Variants in IQCJ observed in about 807,000 individuals in gnomAD.
The protein encoded by IQCJ is IQ domain-containing protein J.
In IQCJ, 9 loss-of-function variants were observed where a neutral mutation model predicts 11.0. That is an observed-to-expected ratio of 0.82 (90% CI 0.49 to 1.43). The LOEUF is 1.43. Ranked by LOEUF, IQCJ falls within the 40% of genes most tolerant of loss-of-function variation. IQCJ has a pLI of 0.00. For missense variants in IQCJ, 146 were observed against 133.2 expected (o/e 1.10, Z -0.47); for synonymous variants, 55 against 51.3 (o/e 1.07, Z -0.31).
At chr3:159,154,909 C>T (rs1044528250) in intron 1 of IQCJ, among the ~76,000 whole-genome samples, 1 of 152,090 alleles carries the variant, frequency 6.6e-6, no homozygotes, top group African/African-American at 2.4e-5. Flanking sequence ...TCCTTCCTCT[C>T]CCTCCCCTTT....
intron 1 of IQCJ, among the ~76,000 whole-genome samples, chr3:159,137,950 C>T (rs1319609340): frequency 6.6e-6 from 1 of 152,106 alleles, no homozygotes; most frequent in African/African-American, 2.4e-5. Flanking sequence ...CTCCTTTTGT[C>T]TTTATATATA....
At chr3:159,238,085 G>A (rs1309640319) in intron 1 of IQCJ, among the ~76,000 whole-genome samples, 3 of 152,044 alleles carry the variant, frequency 2.0e-5, no homozygotes, top group Admixed American at 2.0e-4. Context: ...GGAAGGGAGA[G>A]GAAGGAAGGG....
chr3:159,089,060 G>A (rs1034348216), intron 1 of IQCJ, among the ~76,000 whole-genome samples: 2 of 152,072 alleles, frequency 1.3e-5, no homozygotes, highest in African/African-American at 4.8e-5. Context: ...GCTGGTACCG[G>A]TTGTTCCTTT....
At chr3:159,088,875 T>C (rs546600878) in intron 1 of IQCJ, among the ~76,000 whole-genome samples, 3 of 152,280 alleles carry the variant, frequency 2.0e-5, no homozygotes, top group African/African-American at 7.2e-5. Flanking sequence ...CTTTATCCAA[T>C]TTGCCAGTCT....
At chr3:159,198,739 G>C (rs1320165954) in intron 1 of IQCJ, among the ~76,000 whole-genome samples, 1 of 152,186 alleles carries the variant, frequency 6.6e-6, no homozygotes, top group African/African-American at 2.4e-5. Flanking sequence ...GTTGGTATGA[G>C]ATTCAAAATG....
chr3:159,080,301 C>G (rs539192216), intron 1 of IQCJ, among the ~76,000 whole-genome samples: 1 of 151,966 alleles, frequency 6.6e-6, no homozygotes, highest in Non-Finnish European at 1.5e-5. Flanking sequence ...TTAATTCCAC[C>G]CACATACCCT....
intron 1 of IQCJ, among the ~76,000 whole-genome samples, chr3:159,127,838 G>A (rs10936168): frequency 0.25 from 38,444 of 152,030 alleles, 5,934 homozygotes; most frequent in South Asian, 0.4. Context: ...GCTGCCTTTG[G>A]GTTTTTTTGT....
chr3:159,257,885 A>C (rs1727987612), intron 3 of IQCJ, among the ~76,000 whole-genome samples: 2 of 152,122 alleles, frequency 1.3e-5, no homozygotes, highest in South Asian at 4.1e-4. Context: ...AACAAACGTA[A>C]TGGGGAGGCA....
chr3:159,203,989 A>G (rs2108073839), intron 1 of IQCJ, among the ~76,000 whole-genome samples: 1 of 152,270 alleles, frequency 6.6e-6, no homozygotes, highest in African/African-American at 2.4e-5. Context: ...GCTGTCAGTG[A>G]TCAGAAGGTC....
intron 1 of IQCJ, among the ~76,000 whole-genome samples, chr3:159,106,070 A>G (rs1244823568): frequency 6.6e-6 from 1 of 152,140 alleles, no homozygotes; most frequent in East Asian, 1.9e-4. Flanking sequence ...AGCAAATAAC[A>G]TTTGCTAGTT....
At chr3:159,156,669 T>C (rs959834495) in intron 1 of IQCJ, among the ~76,000 whole-genome samples, 1 of 152,212 alleles carries the variant, frequency 6.6e-6, no homozygotes, top group Non-Finnish European at 1.5e-5. Context: ...TTTGGTCATA[T>C]CTTGGGGAAG....
intron 1 of IQCJ, among the ~76,000 whole-genome samples, chr3:159,241,309 T>C (rs933493681): frequency 7.9e-5 from 12 of 151,846 alleles, no homozygotes; most frequent in African/African-American, 2.7e-4. Context: ...CTCGGGAGGC[T>C]GAGGCAGGAG....
chr3:159,077,352 A>T (rs976902585), intron 1 of IQCJ, among the ~76,000 whole-genome samples: 1 of 152,184 alleles, frequency 6.6e-6, no homozygotes, highest in African/African-American at 2.4e-5. Flanking sequence ...TTTACTTATA[A>T]GAATTTTTCT....
intron 1 of IQCJ, among the ~76,000 whole-genome samples, chr3:159,076,572 A>C (rs1715932406): frequency 6.6e-6 from 1 of 152,152 alleles, no homozygotes; most frequent in Non-Finnish European, 1.5e-5. Context: ...GAATAAATAC[A>C]GGCTTTGGAA....
chr3:159,173,139 A>G (rs1280267320), intron 1 of IQCJ, among the ~76,000 whole-genome samples: 1 of 152,200 alleles, frequency 6.6e-6, no homozygotes, highest in African/African-American at 2.4e-5. Context: ...AGCTTTGGCC[A>G]TGCCATCTTT....
chr3:159,142,599 G>C (rs1048944516), intron 1 of IQCJ, among the ~76,000 whole-genome samples: 2 of 152,106 alleles, frequency 1.3e-5, no homozygotes, highest in African/African-American at 4.8e-5. Context: ...TATATTTTTA[G>C]TAGAGACGGG....
intron 1 of IQCJ, among the ~76,000 whole-genome samples, chr3:159,091,658 A>ACACACACG (rs1559981787): frequency 5.3e-5 from 3 of 57,080 alleles, no homozygotes; most frequent in East Asian, 1.5e-3. Flanking sequence ...ACACACACAC[A>ACACACACG]CACACACACA....
At chr3:159,142,577 C>T (rs921580677) in intron 1 of IQCJ, among the ~76,000 whole-genome samples, 7 of 151,960 alleles carry the variant, frequency 4.6e-5, no homozygotes, top group Admixed American at 1.3e-4. Context: ...CCACCATGCC[C>T]GGCTAATTTT....
intron 1 of IQCJ, among the ~76,000 whole-genome samples, chr3:159,109,747 A>G (rs920603704): frequency 5.9e-5 from 9 of 152,106 alleles, no homozygotes; most frequent in African/African-American, 2.2e-4. Context: ...ATTGGGACAC[A>G]TGGACTGCAA....
Sources: allele counts gnomAD v4.1 joint callset (sites outside exome capture counted in the v4.1 genomes callset), GRCh38; gene constraint gnomAD v4.1.1; transcripts MANE v1.5; gene names NCBI Gene and HGNC (gene_info 2026-07-23, HGNC 2026-07-21).